TRIP11: variants seen among roughly 807,000 people sequenced by gnomAD.
The protein encoded by TRIP11 is thyroid receptor-interacting protein 11.
A neutral mutation model predicts 223.1 loss-of-function variants in TRIP11; 148 were observed. That is an observed-to-expected ratio of 0.66 (90% CI 0.58 to 0.76). The LOEUF (loss-of-function observed/expected upper bound fraction) is 0.76, where lower values mean the gene tolerates loss of function less well. TRIP11 is among the 30% of genes least tolerant of loss of function. The pLI is 0.00. For synonymous variants in TRIP11, 762 were observed against 772.6 expected (o/e 0.99, Z 0.23); for missense variants, 2,043 against 2,222.0 (o/e 0.92, Z 1.62).
chr14:91,970,551 A>AG (rs1289811759), intron 20 of TRIP11, among the ~76,000 whole-genome samples: 1 of 152,228 alleles, frequency 6.6e-6, no homozygotes, highest in Admixed American at 6.5e-5. Context: ...TGATAAAAAA[A>AG]CAATGCTATA....
At position 92,032,836 on chromosome 14, in the gene TRIP11, A is replaced by C. The variant is rs867914474; in HGVS notation, c.201+356T>G. 6.6e-3 allele frequency among the ~76,000 whole-genome samples: 1,004 copies of C among 151,858 alleles called. 10 individuals are homozygous for C. Among genetic ancestry groups the C allele is most frequent in the African/African-American group, 0.023 (940 of 41,386 alleles). On this transcript the variant is annotated intron_variant, in intron 2 of 20. Coordinates refer to ENST00000267622, the MANE Select transcript of TRIP11 (RefSeq NM_004239.4). ...TGACAGAGTGAGACCCCGTTTCAAAAAAAAAAAAAAAAAATTATTCTTAAA... is the reference window on the plus strand; with the variant it reads ...TGACAGAGTGAGACCCCGTTTCAAACAAAAAAAAAAAAAATTATTCTTAAA...
chr14:92,003,034 T>A (rs1472140547), intron 11 of TRIP11, among the ~76,000 whole-genome samples: 1 of 152,206 alleles, frequency 6.6e-6, no homozygotes, highest in Non-Finnish European at 1.5e-5. Context: ...TAAAGACATA[T>A]GTGTATTTTA....
Position 91,988,307 on chromosome 14 carries a change from T to A in TRIP11, c.5237A>T (p.Gln1746Leu). The A allele has an allele frequency of 6.2e-7, 1 of 1,613,038 alleles. No homozygotes were observed. Residue 1746 changes from glutamine to leucine, a missense_variant, in exon 16 of 21, where the codon CAA (glutamine) becomes CTA (leucine). Transcript: ENST00000267622. ...ACTTTGTCTTTTAAGTTCTTCAATT[T>A]GTTCTTCTTTTACATCTAACTGTTC... Reference protein sequence around the residue: ...LTEQLDVKEEQIEELKRQNEL... With the variant: ...LTEQLDVKEELIEELKRQNEL...
chr14:92,029,727 A>C (rs2057239788), intron 2 of TRIP11, among the ~76,000 whole-genome samples: 2 of 152,238 alleles, frequency 1.3e-5, no homozygotes, highest in Admixed American at 1.3e-4. Context: ...TATTTGATGA[A>C]GAGAAGAAAA....
chr14:92,009,205 G>GTGTT (rs2140123255), intron 9 of TRIP11, among the ~76,000 whole-genome samples: 1 of 152,160 alleles, frequency 6.6e-6, no homozygotes, highest in African/African-American at 2.4e-5. Flanking sequence ...AAATTATTTA[G>GTGTT]TGTTTTTTTG....
At chr14:92,014,938 C>G (rs2057016962) in intron 6 of TRIP11, among the ~76,000 whole-genome samples, 1 of 146,270 alleles carries the variant, frequency 6.8e-6, no homozygotes, top group Non-Finnish European at 1.5e-5. Flanking sequence ...GAGTCTCACT[C>G]TGTTGCCCAG....
At chr14:92,038,496 T>C (rs968896580) in intron 1 of TRIP11, among the ~76,000 whole-genome samples, 24 of 152,182 alleles carry the variant, frequency 1.6e-4, no homozygotes, top group African/African-American at 5.8e-4. Flanking sequence ...TGGATTTCGG[T>C]AGCTCCCCAG....
chr14:92,017,763 A>G lies in TRIP11; in HGVS notation c.589-13T>C. On this transcript the variant is annotated splice_polypyrimidine_tract_variant and intron_variant, in intron 4 of 20. Transcript: ENST00000267622. ...GTGCTTTGGAAGTCTAGATCAGAAA[A>G]AGAGAATTAGTAAATAATTATACTG... The G allele has an allele frequency of 6.2e-7, 1 of 1,607,180 alleles. No homozygotes were observed. Among genetic ancestry groups the G allele is most frequent in the Non-Finnish European group, 8.5e-7 (1 of 1,174,620 alleles).
rs2056681577 is a variant in TRIP11 at position 91,992,112 on chromosome 14, C to G, written c.5160+1697G>C. 2.9e-5 allele frequency among the ~76,000 whole-genome samples: 4 copies of G among 137,838 alleles called. No individual in the cohort carries two copies. In the South Asian group the frequency reaches 9.5e-4, roughly 33 times the overall value. 90.4% of individuals were successfully genotyped at this position (137,838 alleles called of 152,430 possible). ...AAAAAAAAAAAAAAAAAGCAAGTCT[C>G]AGAAAAATTACTGAATTTACATATA... is the stretch of plus-strand genomic sequence containing the variant. On this transcript the variant is annotated intron_variant, in intron 15 of 20. Transcript: ENST00000267622.
At position 92,011,006 on chromosome 14, in the gene TRIP11, ACTTCT is replaced by A. The variant is rs765724997; in HGVS notation, c.1289_1293del (p.Glu430ValfsTer20). ...CCCACCTTTTCTTGACTCAGTAATG[ACTTCT>A]CTTTTTCTAAAACTTCGATACGCAT... On this transcript the variant is annotated frameshift_variant, in exon 9 of 21. Coordinates refer to ENST00000267622, the MANE Select transcript of TRIP11 (RefSeq NM_004239.4). LOFTEE classifies it high-confidence loss of function. The A allele has an allele frequency of 6.2e-7, 1 of 1,613,880 alleles. No homozygotes were observed.
intron 13 of TRIP11, among the ~76,000 whole-genome samples, chr14:91,998,957 A>G (rs1442601646): frequency 2.6e-5 from 4 of 152,182 alleles, no homozygotes; most frequent in Non-Finnish European, 5.9e-5. Flanking sequence ...ATTTCAAACT[A>G]TACTCCTAAA....
Position 91,974,647 on chromosome 14 carries a change from G to C in TRIP11, c.5554C>G (p.Gln1852Glu). The change falls in exon 19 of 21, where the codon CAG (glutamine) becomes GAG (glutamate). Residue 1852 changes from glutamine to glutamate, a missense_variant. Transcript: ENST00000267622. Reference sequence around the variant, plus strand: ...CTTACACTATTAACCACAGATTGCTGATTTGGTCTCAAAGGTGTGTTGGGA... The same window carrying C: ...CTTACACTATTAACCACAGATTGCTCATTTGGTCTCAAAGGTGTGTTGGGA... The part of the protein sequence containing the change: ...SVPNTPLRPN[Q>E]QSVVNSSFSE... 6.2e-7 allele frequency: 1 copy of C among 1,612,226 alleles called. No homozygotes were observed.
In TRIP11 at chr14:92,025,412, C is replaced by T. The variant is rs1364966765; in HGVS notation, c.210G>A (p.Arg70=). The part of the protein sequence containing the change: ...IHAILRSENE[R]LKKLCTDLEE... ...CTAGATCAGTACAAAGTTTCTTAAG[C>T]CTTTCATTCTAGAAAAAAAAAGTAT... is the stretch of plus-strand genomic sequence containing the variant. The change falls in exon 3 of 21, where the codon AGG becomes AGA. Residue 70 remains arginine, a synonymous_variant. Transcript: ENST00000267622. The T allele has an allele frequency of 1.5e-5, 24 of 1,611,478 alleles. No individual in the cohort carries two copies. The highest frequency in any genetic ancestry group is 2.0e-5 in the Non-Finnish European group (24 of 1,179,042).
At chr14:92,033,374 T>C in intron 1 of TRIP11, 121 bp from the exon 2 acceptor site, 1 of 758,118 alleles carries the variant, frequency 1.3e-6, no homozygotes, top group East Asian at 2.7e-5. Flanking sequence ...TATGAAAGCA[T>C]TCAGAAGAAA....
chr14:92,037,400 G>A lies in TRIP11; in HGVS notation c.139+2147C>T, dbSNP rs955453217. On this transcript the variant is annotated intron_variant, in intron 1 of 20. Transcript: ENST00000267622. This position sits in a 1 kb window ranked among gnomAD's most constrained non-coding sequence, Gnocchi z 4.2. ...CCAAGTACTTAAGTACCTGACATAT[G>A]AGCAGGGTTGTACAGGAGAATTGTT... Among the ~76,000 whole-genome samples the A allele has an allele frequency of 6.6e-6, 1 of 152,216 alleles. No homozygotes were observed. The highest frequency in any genetic ancestry group is 6.5e-5 in the Admixed American group (1 of 15,282).
At position 92,015,677 on chromosome 14, in the gene TRIP11, A is replaced by C. The variant is rs748856090; in HGVS notation, c.823+19T>G. ...CATCTCAAAAAAAATAATAATAATA[A>C]AGAAATAAAACTAATAACCTTGTTG... On this transcript the variant is annotated intron_variant, in intron 6 of 20. Transcript: ENST00000267622. 1 of 1,575,368 alleles carries C rather than the reference A, an allele frequency of 6.3e-7. No homozygotes were observed. Among genetic ancestry groups the C allele is most frequent in the Non-Finnish European group, 8.6e-7 (1 of 1,158,828 alleles).
At position 91,967,225 on chromosome 14, in the gene TRIP11, A is replaced by G. The variant is rs2056350896; in HGVS notation, c.*2448T>C. The G allele has an allele frequency of 6.4e-6, 1 of 157,178 alleles. No individual in the cohort carries two copies. Among genetic ancestry groups the G allele is most frequent in the Non-Finnish European group, 1.3e-5 (1 of 78,548 alleles). 9.7% of individuals were successfully genotyped at this position (157,178 alleles called of 1,614,324 possible). The stretch of plus-strand genomic sequence containing the variant: ...GGAGTGGTTGCTAACTGCAACCTCC[A>G]CTTCCCGGGGTCAAGCAATTCTCCT... On this transcript the variant is annotated 3_prime_UTR_variant, in exon 21 of 21. Transcript: ENST00000267622.
At chr14:91,998,832 T>C (rs913334207) in intron 13 of TRIP11, among the ~76,000 whole-genome samples, 63 of 152,168 alleles carry the variant, frequency 4.1e-4, no homozygotes, top group African/African-American at 1.4e-3. Context: ...GCTACTTCCT[T>C]TACTCTCTTC....
intron 16 of TRIP11, among the ~76,000 whole-genome samples, chr14:91,979,061 A>G (rs1277151381): frequency 6.6e-6 from 1 of 152,094 alleles, no homozygotes; most frequent in African/African-American, 2.4e-5. Context: ...GTTTGAGACC[A>G]GCCTGGGCAA....
Sources: gnomAD v4.1 joint callset for allele counts (sites outside exome capture counted in the v4.1 genomes callset) on GRCh38, gnomAD v4.1.1 for gene constraint, Gnocchi (gnomAD v3.1) non-coding constraint, MANE v1.5 for transcripts, NCBI Gene and HGNC (gene_info 2026-07-23, HGNC 2026-07-21) for gene names.